Variants in ELN observed in about 807,000 individuals in gnomAD.
ELN encodes tropoelastin.
ELN carries 65 observed loss-of-function variants against 105.8 expected under a neutral mutation model. The observed-to-expected ratio is 0.61, with a 90% CI of 0.50 to 0.75. ELN has a LOEUF of 0.75. Ranked by LOEUF, ELN falls within the 30% of genes least tolerant of loss-of-function variation. The probability of loss-of-function intolerance (pLI) is 0.00; values close to 1 mark genes in which losing one functional copy is unlikely to be tolerated. For missense variants in ELN, 882 were observed against 969.4 expected (o/e 0.91, Z 1.20); for synonymous variants, 368 against 389.2 (o/e 0.95, Z 0.64).
chr7:74,040,079 T>G (rs3801459), intron 4 of ELN, among the ~76,000 whole-genome samples: 17,299 of 152,138 alleles, frequency 0.11, 1,364 homozygotes, highest in East Asian at 0.21. Flanking sequence ...TCAGGCCACA[T>G]GACAGGATGC....
chr7:74,052,815 A>G (rs577309836), intron 17 of ELN: 79 of 290,446 alleles, frequency 2.7e-4, no homozygotes, highest in African/African-American at 1.7e-3. Flanking sequence ...GGAAGGAAGG[A>G]AAAAGAAAAG....
Position 74,048,133 on chromosome 7 carries a change from G to C in ELN, c.686-9G>C. ...GCACAGATGACCATCAAGCCTCTCT[G>C]TTTTGCAGGCTATGGGCCCGGAGGA... On this transcript the variant is annotated splice_polypyrimidine_tract_variant and intron_variant, in intron 13 of 32. Coordinates refer to ENST00000252034, the MANE Select transcript of ELN (RefSeq NM_000501.4). 6.2e-7 allele frequency: 1 copy of C among 1,614,072 alleles called. No individual in the cohort carries two copies. Among genetic ancestry groups the C allele is most frequent in the Non-Finnish European group, 8.5e-7 (1 of 1,179,966 alleles).
intron 3 of ELN, 90 bp downstream of exon 3, chr7:74,036,674 AC>A: frequency 1.3e-6 from 2 of 1,574,398 alleles, no homozygotes; most frequent in South Asian, 1.1e-5. Flanking sequence ...ACCCTGGGAG[AC>A]CCGAGCATCA....
Position 74,028,186 on chromosome 7 carries a change from A to G in ELN, c.-2A>G. 1.2e-6 allele frequency: 2 copies of G among 1,606,434 alleles called. No homozygotes were observed. The highest frequency in any genetic ancestry group is 1.7e-6 in the Non-Finnish European group (2 of 1,176,810). ...GAGCGGGCTGGGGCATTTCTCCCCG[A>G]GATGGCGGGTCTGACGGCGGCGGCC... On this transcript the variant is annotated 5_prime_UTR_variant, in exon 1 of 33. Transcript: ENST00000252034.
rs782535492 is a variant in ELN, at chr7:74,065,720, G to A, written c.2020G>A (p.Ala674Thr). 3.3e-5 allele frequency: 53 copies of A among 1,613,880 alleles called. No individual in the cohort carries two copies. The Middle Eastern group carries it at 2.5e-3, about 75-fold the overall frequency. Residue 674 changes from alanine to threonine, a missense_variant, in exon 30 of 33, where the codon GCA becomes ACA. Transcript: ENST00000252034. ...TATACCTCCAGCTGCAGCCGCTAAA[G>A]CAGCTAAATACGGTGAGTTCCCCTC... ...GGIPPAAAAK[A>T]AKYGAAGLGG...
At chr7:74,044,854 A>G (rs1356883286) in intron 9 of ELN, among the ~76,000 whole-genome samples, 3 of 152,210 alleles carry the variant, frequency 2.0e-5, no homozygotes, top group Non-Finnish European at 4.4e-5. Flanking sequence ...CGAGAGCCCC[A>G]GAGAGCATGG....
chr7:74,054,790 T>C (rs1554678585), intron 19 of ELN, 21 bp downstream of exon 19: 2 of 1,613,646 alleles, frequency 1.2e-6, no homozygotes, highest in Non-Finnish European at 1.7e-6. Flanking sequence ...TGCTGACAGC[T>C]CTGCCCCACC....
intron 1 of ELN, among the ~76,000 whole-genome samples, chr7:74,033,077 C>A (rs1190355220): frequency 6.6e-6 from 1 of 152,268 alleles, no homozygotes; most frequent in Non-Finnish European, 1.5e-5. Flanking sequence ...TGCAACCTTG[C>A]AGCAACCTTG....
chr7:74,059,722 C>G, intron 22 of ELN, 164 bp from the exon 23 acceptor site: 1 of 745,038 alleles, frequency 1.3e-6, no homozygotes, highest in East Asian at 2.4e-5. Context: ...CCTGCACACA[C>G]TTCATATTAG....
chr7:74,065,805 C>T, intron 30 of ELN, 73 bp downstream of exon 30: 4 of 1,611,236 alleles, frequency 2.5e-6, no homozygotes, highest in Non-Finnish European at 3.4e-6. Context: ...CCTCCCCCAG[C>T]CCAGCTCAGG....
In ELN at chr7:74,035,365, G is replaced by A. The variant is rs782193520; in HGVS notation, c.84G>A (p.Gly28=). The A allele has an allele frequency of 3.7e-6, 6 of 1,613,888 alleles. No individual in the cohort carries two copies. The highest frequency in any genetic ancestry group is 5.1e-6 in the Non-Finnish European group (6 of 1,179,996). The change falls in exon 2 of 33, where the codon GGG becomes GGA. Residue 28 remains glycine (G), a splice_region_variant and synonymous_variant. Transcript: ENST00000252034. ...CTGACTCTACCTGTTTCCTTTCAGG[G>A]GTCCCTGGGGCCATTCCTGGTGGAG... The part of the protein sequence containing the change: ...LSILHPSRPG[G]VPGAIPGGVP...
At chr7:74,043,275 G>T (rs1791671452) in intron 8 of ELN, 107 bp downstream of exon 8, 4 of 1,496,156 alleles carry the variant, frequency 2.7e-6, no homozygotes, top group Non-Finnish European at 3.6e-6. Context: ...GAAGGGCAGG[G>T]CCTGGCTTCA....
At position 74,037,756 on chromosome 7, in the gene ELN, C is replaced by G; in HGVS notation, c.196+17C>G. 6.2e-7 allele frequency: 1 copy of G among 1,610,364 alleles called. No individual in the cohort carries two copies. Among genetic ancestry groups the G allele is most frequent in the African/African-American group, 1.3e-5 (1 of 74,972 alleles). ...TTAAGCCAGGTAAGACCCAAGGCCT[C>G]GGAGCATTGAGAGACAGCGAGGGAG... On this transcript the variant is annotated intron_variant, in intron 4 of 32. Coordinates refer to ENST00000252034, the MANE Select transcript of ELN (RefSeq NM_000501.4).
intron 4 of ELN, among the ~76,000 whole-genome samples, chr7:74,040,019 T>C (rs1790818162): frequency 6.6e-6 from 1 of 152,104 alleles, no homozygotes; most frequent in Admixed American, 6.5e-5. Context: ...CCTTGGGGCA[T>C]TTGGGGCAGG....
At chr7:74,044,861 A>G (rs868988529) in intron 9 of ELN, among the ~76,000 whole-genome samples, 2 of 152,310 alleles carry the variant, frequency 1.3e-5, no homozygotes, top group Middle Eastern at 6.8e-3. Context: ...CCCAGAGAGC[A>G]TGGGCCTCCC....
chr7:74,054,775 T>A lies in ELN; in HGVS notation c.1150+6T>A. On this transcript the variant is annotated splice_donor_region_variant and intron_variant, in intron 19 of 32. Coordinates refer to ENST00000252034, the MANE Select transcript of ELN (RefSeq NM_000501.4). ...TGCAAAGGCAGCCAAATACGGTGAG[T>A]GCTATGCTGACAGCTCTGCCCCACC... 6.2e-7 allele frequency: 1 copy of A among 1,613,916 alleles called. No homozygotes were observed. The highest frequency in any genetic ancestry group is 8.5e-7 in the Non-Finnish European group (1 of 1,180,018).
At chr7:74,061,708 G>C (rs1554684832) in intron 26 of ELN, among the ~76,000 whole-genome samples, 1 of 152,114 alleles carries the variant, frequency 6.6e-6, no homozygotes, top group East Asian at 1.9e-4. Flanking sequence ...GTTTATGACA[G>C]TTTAAAAACC....
In ELN at chr7:74,062,488, G is replaced by C. The variant is rs530673844; in HGVS notation, c.1787-665G>C. Among the ~76,000 whole-genome samples the C allele has an allele frequency of 4.5e-4, 68 of 152,142 alleles. No individual in the cohort carries two copies. The Middle Eastern group carries it at 0.01, about 23-fold the overall frequency. ...TCCTGCTGCAATGCATAAAAAATGGGCTGCTAAGTGTGAAGCACTCAAAAT... is the reference window on the plus strand; with the variant it reads ...TCCTGCTGCAATGCATAAAAAATGGCCTGCTAAGTGTGAAGCACTCAAAAT... On this transcript the variant is annotated intron_variant, in intron 26 of 32. Coordinates refer to ENST00000252034, the MANE Select transcript of ELN (RefSeq NM_000501.4).
Position 74,045,295 on chromosome 7 carries a change from T to C in ELN, c.541+2T>C. On this transcript the variant is annotated splice_donor_variant, in intron 10 of 32. Transcript: ENST00000252034. LOFTEE classifies it high-confidence loss of function. ...CAGGAGTTAAGCCCAAGGCTCCAGG[T>C]ATGCAGCTGTCTGGACAGAGGGCTG... is the stretch of plus-strand genomic sequence containing the variant. The C allele has an allele frequency of 6.2e-7, 1 of 1,614,004 alleles. No individual in the cohort carries two copies.
Sources: gnomAD v4.1 joint callset for allele counts (sites outside exome capture counted in the v4.1 genomes callset) on GRCh38, gnomAD v4.1.1 for gene constraint, MANE v1.5 for transcripts, NCBI Gene and HGNC (gene_info 2026-07-23, HGNC 2026-07-21) for gene names.